The following TTC28 variants were observed in gnomAD, a reference collection of about 807,000 sequenced individuals.
TTC28 encodes the protein tetratricopeptide repeat protein 28.
A neutral mutation model predicts 198.0 loss-of-function variants in TTC28; 61 were observed. The ratio of observed to expected loss-of-function variants is 0.31; its 90% CI spans 0.25 to 0.38. The LOEUF (loss-of-function observed/expected upper bound fraction) is 0.38, where lower values mean the gene tolerates loss of function less well. Ranked by LOEUF, TTC28 falls within the 10% of genes least tolerant of loss-of-function variation. The pLI, the probability that TTC28 is intolerant of heterozygous loss-of-function variation, is 1.00. For synonymous variants in TTC28, 1,171 were observed against 1,297.8 expected, an observed-to-expected ratio of 0.90 and a Z score of 2.10; for missense variants, 2,678 against 3,164.0, an observed-to-expected ratio of 0.85 and a Z score of 3.69.
chr22:28,453,251 C>T (rs2047811478), intron 2 of TTC28, among the ~76,000 whole-genome samples: 1 of 152,202 alleles, frequency 6.6e-6, no homozygotes, highest in East Asian at 1.9e-4. Context: ...CTCTGACTGG[C>T]TAGCAAGACA....
chr22:28,577,084 A>G (rs1054765290), intron 2 of TTC28, among the ~76,000 whole-genome samples: 7 of 151,972 alleles, frequency 4.6e-5, no homozygotes, highest in African/African-American at 7.2e-5. Context: ...AAGTTTTTCT[A>G]AATTTTTGAT....
At chr22:28,498,990 G>A (rs1326186619) in intron 2 of TTC28, among the ~76,000 whole-genome samples, 1 of 152,026 alleles carries the variant, frequency 6.6e-6, no homozygotes, top group African/African-American at 2.4e-5. Flanking sequence ...GGTCTGGGCA[G>A]CACAGTAAGA....
chr22:28,638,743 T>C (rs2146229555), intron 1 of TTC28, among the ~76,000 whole-genome samples: 1 of 152,328 alleles, frequency 6.6e-6, no homozygotes, highest in Middle Eastern at 3.4e-3. Flanking sequence ...TTAAAGACAA[T>C]ATTTTTTTAC....
At chr22:28,022,142 C>T (rs1317199274) in intron 13 of TTC28, among the ~76,000 whole-genome samples, 1 of 152,260 alleles carries the variant, frequency 6.6e-6, no homozygotes, top group Non-Finnish European at 1.5e-5. Context: ...GCCCTCTGCT[C>T]TCTGGGGAGC....
intron 5 of TTC28, among the ~76,000 whole-genome samples, chr22:28,227,212 T>A (rs568599093): frequency 1.1e-4 from 16 of 152,216 alleles, no homozygotes; most frequent in Non-Finnish European, 2.4e-4. Context: ...AGTGAATCTT[T>A]ACCTTACACC....
At chr22:28,045,997 A>G (rs1391596383) in intron 12 of TTC28, among the ~76,000 whole-genome samples, 5 of 152,182 alleles carry the variant, frequency 3.3e-5, no homozygotes, top group Non-Finnish European at 7.4e-5. Context: ...CATCCCAACT[A>G]TAAAGAACTG....
chr22:28,169,369 C>A (rs1352543937), intron 5 of TTC28, among the ~76,000 whole-genome samples: 2 of 152,162 alleles, frequency 1.3e-5, no homozygotes, highest in African/African-American at 4.8e-5. Context: ...AAGACACATG[C>A]ACACATGTTT....
chr22:28,179,897 C>A (rs1445456242), intron 5 of TTC28, among the ~76,000 whole-genome samples: 1 of 152,084 alleles, frequency 6.6e-6, no homozygotes, highest in Admixed American at 6.5e-5. Context: ...TCTATATGTA[C>A]CAATTAACAC....
intron 6 of TTC28, among the ~76,000 whole-genome samples, chr22:28,111,975 C>T (rs1363837645): frequency 1.3e-5 from 2 of 152,082 alleles, no homozygotes; most frequent in Non-Finnish European, 2.9e-5. Flanking sequence ...TAGAAAGGCA[C>T]AATATAATAG....
chr22:28,230,866 A>G (rs1928746650), intron 5 of TTC28, among the ~76,000 whole-genome samples: 3 of 152,166 alleles, frequency 2.0e-5, no homozygotes, highest in Admixed American at 2.0e-4. Flanking sequence ...AGGAAGTCTA[A>G]CCTCATTACT....
chr22:28,101,175 T>C lies in TTC28; in HGVS notation c.3413A>G (p.His1138Arg), dbSNP rs867225572. The C allele has an allele frequency of 3.2e-6, 5 of 1,549,638 alleles. No individual in the cohort carries two copies. The Middle Eastern group carries it at 6.7e-4, about 207-fold the overall frequency. ...WASGNLEEAQ[H>R]QLYRASALFE... ...TCAGTCAGGGGTTCTGCTTACCTGG[T>C]GTTGGGCCTCCTCCAAGTTTCCACT... Residue 1138 changes from histidine (H) to arginine (R), a missense_variant, in exon 9 of 23, where the codon CAC becomes CGC. This residue lies in a region of TTC28 where 727 missense variants were observed against 861.9 expected (regional missense o/e 0.84). Transcript: ENST00000397906.
At chr22:28,089,512 T>C (rs1020958097) in intron 12 of TTC28, among the ~76,000 whole-genome samples, 4 of 114,304 alleles carry the variant, frequency 3.5e-5, no homozygotes, top group Non-Finnish European at 7.1e-5. Context: ...TGGGGACTGT[T>C]GTGGGGTGGG....
chr22:28,201,673 G>C (rs1322491334), intron 5 of TTC28, among the ~76,000 whole-genome samples: 1 of 145,148 alleles, frequency 6.9e-6, no homozygotes, highest in Non-Finnish European at 1.5e-5. Context: ...TCTCAAAAGG[G>C]AATATAAAAG....
intron 12 of TTC28, among the ~76,000 whole-genome samples, chr22:28,086,792 G>T (rs1330367109): frequency 6.6e-6 from 1 of 151,876 alleles, no homozygotes; most frequent in East Asian, 1.9e-4. Context: ...AAAGAGAGAA[G>T]AATCAAATAG....
chr22:28,587,872 T>C (rs1601596107), intron 2 of TTC28, among the ~76,000 whole-genome samples: 1 of 152,020 alleles, frequency 6.6e-6, no homozygotes, highest in African/African-American at 2.4e-5. Flanking sequence ...CCAGGTGCAG[T>C]GGCTCAAGCC....
intron 2 of TTC28, among the ~76,000 whole-genome samples, chr22:28,461,828 C>A (rs2047955068): frequency 1.3e-5 from 2 of 152,148 alleles, no homozygotes; most frequent in Admixed American, 6.6e-5. Flanking sequence ...ATACATTGTG[C>A]TCTCTTCTCT....
At chr22:28,475,168 A>G (rs562326740) in intron 2 of TTC28, among the ~76,000 whole-genome samples, 70 of 150,626 alleles carry the variant, frequency 4.6e-4, no homozygotes, top group African/African-American at 1.4e-3. Context: ...AAAAAAAAAA[A>G]AAAAGAAAGA....
chr22:28,332,694 C>T (rs1330139237), intron 2 of TTC28, among the ~76,000 whole-genome samples: 2 of 152,088 alleles, frequency 1.3e-5, no homozygotes, highest in Non-Finnish European at 2.9e-5. Flanking sequence ...GTAAAACATA[C>T]TTTATATCCA....
At chr22:27,986,786 G>C (rs529118506) in intron 21 of TTC28, among the ~76,000 whole-genome samples, 44 of 152,244 alleles carry the variant, frequency 2.9e-4, no homozygotes, top group Middle Eastern at 6.8e-3. Flanking sequence ...TTAGGAATTA[G>C]GTTCACTAGA....
Sources: gnomAD v4.1 joint callset for allele counts (sites outside exome capture counted in the v4.1 genomes callset) on GRCh38, gnomAD v4.1.1 for gene constraint, gnomAD v4.1.1 regional missense constraint, MANE v1.5 for transcripts, NCBI Gene and HGNC (gene_info 2026-07-23, HGNC 2026-07-21) for gene names.